The following CRB1 variants were observed in gnomAD, a reference collection of about 807,000 sequenced individuals.
CRB1 encodes the protein crumbs cell polarity complex component 1.
A neutral mutation model predicts 120.0 loss-of-function variants in CRB1; 83 were observed. The ratio of observed to expected loss-of-function variants is 0.69; its 90% CI spans 0.58 to 0.83. The LOEUF is 0.83. Among genes scored for constraint, CRB1 ranks in the 40% least tolerant of loss-of-function variants. The probability of loss-of-function intolerance (pLI) is 0.00; values close to 1 mark genes in which losing one functional copy is unlikely to be tolerated. For synonymous variants in CRB1, 625 were observed against 612.5 expected (o/e 1.02, Z -0.30); for missense variants, 1,699 against 1,687.6 (o/e 1.01, Z -0.12).
At chr1:197,259,474 A>G in the CRB1 span, among the ~76,000 whole-genome samples, 1 of 152,222 alleles carries the variant, frequency 6.6e-6, no homozygotes, top group African/African-American at 2.4e-5. Context: ...TGGGAGTTGA[A>G]CAATGAGAAC....
At chr1:197,223,004 A>G in the CRB1 span, 31 of 796,976 alleles carry the variant, frequency 3.9e-5, no homozygotes, top group African/African-American at 3.5e-4. Context: ...GTTAGTCACT[A>G]TTAAGTCATT....
chr1:197,473,021 T>A (rs898298708), intron 11 of CRB1, among the ~76,000 whole-genome samples: 4 of 152,202 alleles, frequency 2.6e-5, no homozygotes, highest in African/African-American at 9.6e-5. Flanking sequence ...ATTATACTTA[T>A]CCTACATATA....
chr1:197,269,495 A>G (rs1010609351), intron 1 of CRB1, among the ~76,000 whole-genome samples: 2 of 152,188 alleles, frequency 1.3e-5, no homozygotes, highest in Non-Finnish European at 1.5e-5. Context: ...ATAATACTTG[A>G]CTGCAACGCA....
chr1:197,430,233 C>T (rs578184861), intron 8 of CRB1, among the ~76,000 whole-genome samples: 1 of 152,264 alleles, frequency 6.6e-6, no homozygotes, highest in African/African-American at 2.4e-5. Context: ...GACATATCCA[C>T]CCACTAACTA....
At chr1:197,207,103 C>A in the CRB1 span, among the ~76,000 whole-genome samples, 5 of 151,972 alleles carry the variant, frequency 3.3e-5, no homozygotes, top group East Asian at 7.7e-4. Context: ...TTTTTCCAGC[C>A]CTTCCTTATA....
the CRB1 span, among the ~76,000 whole-genome samples, chr1:197,212,789 G>GA: frequency 6.6e-6 from 1 of 152,204 alleles, no homozygotes; most frequent in East Asian, 1.9e-4. Context: ...GTGTCACCCA[G>GA]ACACGTGAAC....
At chr1:197,464,391 T>G (rs1666663246) in intron 11 of CRB1, among the ~76,000 whole-genome samples, 1 of 152,162 alleles carries the variant, frequency 6.6e-6, no homozygotes, top group Admixed American at 6.6e-5. Context: ...GTTTTCTTCC[T>G]GAGGCTCCTA....
chr1:197,237,845 T>G, the CRB1 span, among the ~76,000 whole-genome samples: 1 of 152,144 alleles, frequency 6.6e-6, no homozygotes, highest in Admixed American at 6.5e-5. Context: ...GTTTTCAATT[T>G]TATTGATTTC....
At chr1:197,450,185 A>G (rs1665893134) in intron 11 of CRB1, among the ~76,000 whole-genome samples, 1 of 152,170 alleles carries the variant, frequency 6.6e-6, no homozygotes, top group African/African-American at 2.4e-5. Context: ...GGGTTACTCT[A>G]GTAGAAGCTA....
chr1:197,385,979 C>T (rs1422259454), intron 5 of CRB1, among the ~76,000 whole-genome samples: 1 of 152,026 alleles, frequency 6.6e-6, no homozygotes, highest in African/African-American at 2.4e-5. Flanking sequence ...ATCCATTTCC[C>T]AGCAAAGTTG....
intron 1 of CRB1, among the ~76,000 whole-genome samples, chr1:197,295,903 G>A (rs1656489192): frequency 6.6e-6 from 1 of 151,910 alleles, no homozygotes; most frequent in Non-Finnish European, 1.5e-5. Context: ...GCATCACATA[G>A]CTGGAAGAGA....
intron 1 of CRB1, among the ~76,000 whole-genome samples, chr1:197,294,226 A>C (rs964337178): frequency 1.3e-5 from 2 of 152,154 alleles, no homozygotes; most frequent in African/African-American, 4.8e-5. Context: ...AGAAAAAATC[A>C]AACAACCCCA....
At chr1:197,465,912 T>TTCTTATTTTATATA in intron 11 of CRB1, among the ~76,000 whole-genome samples, 1 of 152,324 alleles carries the variant, frequency 6.6e-6, no homozygotes, top group East Asian at 1.9e-4. Flanking sequence ...ATAGAGTAAA[T>TTCTTATTTTATATA]GGCACAATAG....
At chr1:197,258,858 C>T in the CRB1 span, among the ~76,000 whole-genome samples, 2 of 152,024 alleles carry the variant, frequency 1.3e-5, no homozygotes, top group African/African-American at 2.4e-5. Flanking sequence ...TGCATAGAAA[C>T]GTTTTAGAGA....
At chr1:197,414,806 C>A (rs1663887483) in intron 5 of CRB1, among the ~76,000 whole-genome samples, 2 of 152,062 alleles carry the variant, frequency 1.3e-5, no homozygotes, top group Non-Finnish European at 2.9e-5. Context: ...ACATTTTTAT[C>A]TTTTTTCCCA....
chr1:197,243,186 C>T, the CRB1 span, among the ~76,000 whole-genome samples: 1 of 152,060 alleles, frequency 6.6e-6, no homozygotes. Flanking sequence ...TTCAGTTCTG[C>T]TCTGATCTTA....
chr1:197,361,123 T>C (rs1221864894), intron 5 of CRB1, among the ~76,000 whole-genome samples: 1 of 152,130 alleles, frequency 6.6e-6, no homozygotes, highest in Non-Finnish European at 1.5e-5. Flanking sequence ...TGTATTTTTT[T>C]TCAGTTTGCT....
chr1:197,431,547 C>T (rs753168231), intron 8 of CRB1, among the ~76,000 whole-genome samples: 5 of 151,874 alleles, frequency 3.3e-5, no homozygotes, highest in South Asian at 2.1e-4. Context: ...ACCTGGTGTC[C>T]GAATTGTTTT....
intron 11 of CRB1, among the ~76,000 whole-genome samples, chr1:197,476,030 C>T (rs1667181824): frequency 6.6e-6 from 1 of 152,144 alleles, no homozygotes. Flanking sequence ...CTGCCTCAGC[C>T]TCCCAAGTCG....
Sources: gnomAD v4.1 joint callset for allele counts (sites outside exome capture counted in the v4.1 genomes callset) on GRCh38, gnomAD v4.1.1 for gene constraint, MANE v1.5 for transcripts, NCBI Gene and HGNC (gene_info 2026-07-23, HGNC 2026-07-21) for gene names.